MGMT: variants seen among roughly 807,000 people sequenced by gnomAD.
MGMT encodes O-6-methylguanine-DNA methyltransferase.
A neutral mutation model predicts 15.9 loss-of-function variants in MGMT; 14 were observed. That is an observed-to-expected ratio of 0.88 (90% confidence interval 0.58 to 1.37). The LOEUF is 1.37. Ranked by LOEUF, MGMT falls within the 40% of genes most tolerant of loss-of-function variation. The pLI is 0.00. For missense variants in MGMT, 282 were observed against 268.1 expected (o/e 1.05, Z -0.36); for synonymous variants, 130 against 118.2 (o/e 1.10, Z -0.65).
intron 2 of MGMT, 152 bp downstream of exon 2, chr10:129,536,529 C>A: frequency 1.1e-6 from 1 of 893,796 alleles, no homozygotes; most frequent in Non-Finnish European, 1.6e-6. Flanking sequence ...AAACAGTGTG[C>A]TGCGACGGCT....
At chr10:129,746,316 C>T (rs1848695843) in intron 3 of MGMT, among the ~76,000 whole-genome samples, 2 of 149,830 alleles carry the variant, frequency 1.3e-5, no homozygotes, top group African/African-American at 4.9e-5. Flanking sequence ...AGTTTTTTTT[C>T]CCTTTTTAAT....
intron 2 of MGMT, among the ~76,000 whole-genome samples, chr10:129,691,380 G>A (rs111853227): frequency 0.013 from 1,943 of 152,320 alleles, 26 homozygotes; most frequent in Non-Finnish European, 0.016. Flanking sequence ...TGGGAGAGGC[G>A]GAGAGCACAG....
chr10:129,634,987 G>A (rs537525050), intron 2 of MGMT, among the ~76,000 whole-genome samples: 1 of 152,314 alleles, frequency 6.6e-6, no homozygotes, highest in East Asian at 1.9e-4. Flanking sequence ...AATTACTTGG[G>A]AATAGTTTGA....
At chr10:129,644,973 C>T (rs536540016) in intron 2 of MGMT, among the ~76,000 whole-genome samples, 8 of 152,212 alleles carry the variant, frequency 5.3e-5, no homozygotes, top group East Asian at 1.9e-4. Context: ...AGGGAGTGGA[C>T]GTCCAGATAA....
chr10:129,694,027 A>C (rs895374733), intron 2 of MGMT: 7 of 152,226 alleles, frequency 4.6e-5, no homozygotes, highest in Non-Finnish European at 8.8e-5. Flanking sequence ...GGTGGCCCCC[A>C]CGTCCAGGCA....
intron 2 of MGMT, among the ~76,000 whole-genome samples, chr10:129,653,189 T>C (rs1372870260): frequency 6.6e-6 from 1 of 152,228 alleles, no homozygotes; most frequent in East Asian, 1.9e-4. Context: ...CTGGACTTCA[T>C]GTCCGGTTAT....
intron 3 of MGMT, among the ~76,000 whole-genome samples, chr10:129,731,869 C>T (rs1220248399): frequency 6.6e-6 from 1 of 152,182 alleles, no homozygotes; most frequent in Non-Finnish European, 1.5e-5. Flanking sequence ...CAGTGGAAGA[C>T]AGCTGGGTTC....
At chr10:129,539,528 A>G (rs1056700712) in intron 2 of MGMT, among the ~76,000 whole-genome samples, 2 of 151,604 alleles carry the variant, frequency 1.3e-5, no homozygotes, top group African/African-American at 4.9e-5. Context: ...TTGTTTTGAG[A>G]CGGAGTCTTG....
chr10:129,620,671 T>C (rs1204108772), intron 2 of MGMT, among the ~76,000 whole-genome samples: 3 of 152,242 alleles, frequency 2.0e-5, no homozygotes, highest in Non-Finnish European at 4.4e-5. Context: ...GCATGTGTTA[T>C]ACTCTTTTCC....
Position 129,584,825 on chromosome 10 carries a change from C to T in MGMT, c.125+48448C>T, listed in dbSNP as rs192088137. Among the ~76,000 whole-genome samples the T allele has an allele frequency of 1.4e-3, 216 of 152,298 alleles. 2 individuals carry two copies. The highest frequency in any genetic ancestry group is 5.0e-3 in the African/African-American group (208 of 41,562). ...TCCAGCATGTGTCAGAACTTAATTC[C>T]CTGCGGCCAAACAATATCCCATCAT... On this transcript the variant is annotated intron_variant, in intron 2 of 4. Transcript: ENST00000651593.
intron 1 of MGMT, among the ~76,000 whole-genome samples, chr10:129,523,202 C>T (rs1270906098): frequency 6.6e-6 from 1 of 152,198 alleles, no homozygotes; most frequent in Non-Finnish European, 1.5e-5. Flanking sequence ...TGCGACCCGG[C>T]GGGGGCCTCG....
At chr10:129,516,316 G>A (rs57422693) in intron 1 of MGMT, among the ~76,000 whole-genome samples, 23,758 of 152,130 alleles carry the variant, frequency 0.16, 2,595 homozygotes, top group African/African-American at 0.3. Context: ...CACCAAATAG[G>A]GAATTCTTTC....
intron 1 of MGMT, among the ~76,000 whole-genome samples, chr10:129,525,060 A>G (rs1015161692): frequency 1.3e-5 from 2 of 152,244 alleles, no homozygotes; most frequent in African/African-American, 4.8e-5. Context: ...TTTTGGAGCA[A>G]TTTGTTAAAA....
intron 2 of MGMT, among the ~76,000 whole-genome samples, chr10:129,635,480 C>T (rs1460801756): frequency 3.9e-5 from 6 of 152,198 alleles, no homozygotes; most frequent in South Asian, 4.1e-4. Context: ...GTACTTTGCT[C>T]TCCAGTTTCT....
chr10:129,515,823 A>C (rs1845732619), intron 1 of MGMT, among the ~76,000 whole-genome samples: 1 of 149,910 alleles, frequency 6.7e-6, no homozygotes, highest in South Asian at 2.1e-4. Context: ...CCTCTAACAG[A>C]GGTGCAGTCT....
At chr10:129,761,916 G>A (rs910590159) in intron 4 of MGMT, among the ~76,000 whole-genome samples, 1 of 152,208 alleles carries the variant, frequency 6.6e-6, no homozygotes, top group Non-Finnish European at 1.5e-5. Flanking sequence ...TCAAATTATA[G>A]CACAGATATG....
At chr10:129,583,676 A>G (rs1448442629) in intron 2 of MGMT, among the ~76,000 whole-genome samples, 3 of 152,212 alleles carry the variant, frequency 2.0e-5, no homozygotes, top group Non-Finnish European at 4.4e-5. Flanking sequence ...TGGCACACAT[A>G]GCAGGACCGT....
intron 3 of MGMT, among the ~76,000 whole-genome samples, chr10:129,749,064 A>G (rs1685141228): frequency 6.6e-6 from 1 of 152,200 alleles, no homozygotes; most frequent in South Asian, 2.1e-4. Context: ...TTATAAGTTT[A>G]TAATACAGTC....
chr10:129,730,435 G>A (rs537758205), intron 3 of MGMT, among the ~76,000 whole-genome samples: 5 of 152,164 alleles, frequency 3.3e-5, no homozygotes, highest in Non-Finnish European at 4.4e-5. Context: ...TGAGGCGAGC[G>A]TGCGTATTCA....
Sources: allele counts gnomAD v4.1 joint callset (sites outside exome capture counted in the v4.1 genomes callset), GRCh38; gene constraint gnomAD v4.1.1; transcripts MANE v1.5; gene names NCBI Gene and HGNC (gene_info 2026-07-23, HGNC 2026-07-21).